The following MBOAT2 variants were observed in gnomAD, a reference collection of about 807,000 sequenced individuals.
MBOAT2 encodes membrane-bound glycerophospholipid O-acyltransferase 2.
A neutral mutation model predicts 63.4 loss-of-function variants in MBOAT2; 28 were observed. The ratio of observed to expected loss-of-function variants is 0.44; its 90% CI spans 0.33 to 0.61. MBOAT2 has a LOEUF of 0.61. Among genes scored for constraint, MBOAT2 ranks in the 20% least tolerant of loss-of-function variants. MBOAT2 has a pLI of 0.03. For synonymous variants in MBOAT2, 211 were observed against 215.6 expected, an observed-to-expected ratio of 0.98 and a Z score of 0.19; for missense variants, 470 against 605.8, an observed-to-expected ratio of 0.78 and a Z score of 2.35.
intron 4 of MBOAT2, among the ~76,000 whole-genome samples, chr2:8,897,371 C>A (rs1248713281): frequency 6.6e-6 from 1 of 151,840 alleles, no homozygotes; most frequent in Non-Finnish European, 1.5e-5. Flanking sequence ...AAGACTGCCA[C>A]CTCCTTGGGT....
At chr2:8,994,125 A>G (rs1672105948) in intron 1 of MBOAT2, among the ~76,000 whole-genome samples, 1 of 152,144 alleles carries the variant, frequency 6.6e-6, no homozygotes, top group African/African-American at 2.4e-5. Flanking sequence ...AGCCCTGCGG[A>G]CTCTAAACAT....
chr2:8,941,276 A>G (rs1185116609), intron 3 of MBOAT2, among the ~76,000 whole-genome samples: 1 of 152,182 alleles, frequency 6.6e-6, no homozygotes, highest in Non-Finnish European at 1.5e-5. Flanking sequence ...CTTCTACATC[A>G]ATAGTGTCAA....
chr2:8,929,149 G>A (rs1667137058), intron 3 of MBOAT2, among the ~76,000 whole-genome samples: 1 of 152,166 alleles, frequency 6.6e-6, no homozygotes, highest in Admixed American at 6.5e-5. Flanking sequence ...GGATAAAAGA[G>A]TATAATAACA....
intron 4 of MBOAT2, among the ~76,000 whole-genome samples, chr2:8,895,570 C>T (rs892517598): frequency 6.6e-6 from 1 of 152,194 alleles, no homozygotes; most frequent in African/African-American, 2.4e-5. Flanking sequence ...AATCCTTTAG[C>T]TAGACAGAAA....
At chr2:8,924,367 G>C (rs970512757) in intron 3 of MBOAT2, among the ~76,000 whole-genome samples, 2 of 152,068 alleles carry the variant, frequency 1.3e-5, no homozygotes, top group African/African-American at 2.4e-5. Flanking sequence ...CCTTCCTAAA[G>C]ACCTGCACAG....
intron 3 of MBOAT2, among the ~76,000 whole-genome samples, chr2:8,916,134 T>C (rs1332846876): frequency 6.6e-6 from 1 of 152,206 alleles, no homozygotes; most frequent in African/African-American, 2.4e-5. Context: ...AAAGTCAATA[T>C]GCTGAGATGG....
intron 3 of MBOAT2, among the ~76,000 whole-genome samples, chr2:8,915,081 G>A (rs1666067200): frequency 6.6e-6 from 1 of 150,762 alleles, no homozygotes; most frequent in African/African-American, 2.4e-5. Flanking sequence ...TGAGACTACA[G>A]GTACCCGCCA....
intron 1 of MBOAT2, among the ~76,000 whole-genome samples, chr2:8,971,385 T>C (rs1277283733): frequency 2.0e-5 from 3 of 152,098 alleles, no homozygotes; most frequent in Non-Finnish European, 4.4e-5. Flanking sequence ...TAAGAGCTAT[T>C]TATGACAAAC....
chr2:8,902,479 G>A (rs916085375), intron 4 of MBOAT2, among the ~76,000 whole-genome samples: 8 of 152,292 alleles, frequency 5.3e-5, no homozygotes, highest in Middle Eastern at 3.4e-3. Flanking sequence ...GGACGTGTCC[G>A]GACTTTCTTC....
intron 3 of MBOAT2, among the ~76,000 whole-genome samples, chr2:8,916,041 C>G (rs1172361566): frequency 6.6e-6 from 1 of 152,192 alleles, no homozygotes; most frequent in Non-Finnish European, 1.5e-5. Flanking sequence ...AAAGGCCTTT[C>G]TTACTCTTAG....
chr2:8,942,948 T>C (rs1015267505), intron 3 of MBOAT2, among the ~76,000 whole-genome samples: 10 of 152,326 alleles, frequency 6.6e-5, no homozygotes, highest in African/African-American at 2.4e-4. Context: ...CCTAACATCC[T>C]AGAAGGCACA....
intron 1 of MBOAT2, among the ~76,000 whole-genome samples, chr2:8,997,828 C>A (rs1672414248): frequency 6.6e-6 from 1 of 152,162 alleles, no homozygotes; most frequent in South Asian, 2.1e-4. Flanking sequence ...CTAATCATGC[C>A]ATTTCCACTA....
chr2:8,954,059 G>T (rs947817693), intron 2 of MBOAT2, among the ~76,000 whole-genome samples: 3 of 152,118 alleles, frequency 2.0e-5, no homozygotes, highest in Admixed American at 2.0e-4. Context: ...TTTCATGCAG[G>T]TAAGATTTTT....
At chr2:8,907,844 T>C (rs915262362) in intron 4 of MBOAT2, among the ~76,000 whole-genome samples, 8 of 152,184 alleles carry the variant, frequency 5.3e-5, no homozygotes, top group Non-Finnish European at 1.0e-4. Context: ...TGATTTTTTT[T>C]CCCTGAGCTC....
chr2:8,981,870 A>G (rs924121207), intron 1 of MBOAT2, among the ~76,000 whole-genome samples: 2 of 152,190 alleles, frequency 1.3e-5, no homozygotes, highest in African/African-American at 4.8e-5. Context: ...GAAGATCTAT[A>G]CCCAAAACTA....
At chr2:8,882,234 C>CA (rs998773302) in intron 6 of MBOAT2, among the ~76,000 whole-genome samples, 1 of 152,222 alleles carries the variant, frequency 6.6e-6, no homozygotes, top group Non-Finnish European at 1.5e-5. Context: ...TCAAGGAACT[C>CA]AGAGTCTCAT....
chr2:8,997,564 T>C (rs1472072669), intron 1 of MBOAT2, among the ~76,000 whole-genome samples: 1 of 152,168 alleles, frequency 6.6e-6, no homozygotes, highest in Non-Finnish European at 1.5e-5. Flanking sequence ...TATGAACAGA[T>C]GTTAACGTCT....
At chr2:8,875,821 T>A (rs1385277627) in intron 7 of MBOAT2, among the ~76,000 whole-genome samples, 4 of 152,356 alleles carry the variant, frequency 2.6e-5, no homozygotes, top group East Asian at 1.9e-4. Context: ...CAGTTTGATA[T>A]GACATTTCTC....
rs1672783825 is a variant in MBOAT2 at position 9,002,650 on chromosome 2, TCTCA to T, written c.75+886_75+889del. ...CCGCCTCATTAACAACTTCCCTAAA[TCTCA>T]CTGTCACAACAAAATACTTCCAAAC... On this transcript the variant is annotated intron_variant, in intron 1 of 12. Transcript: ENST00000305997. Among the ~76,000 whole-genome samples, 2 of 137,906 alleles carry T rather than the reference TCTCA, an allele frequency of 1.5e-5. 1 individual carries two copies. The highest frequency in any genetic ancestry group is 5.5e-5 in the African/African-American group (2 of 36,520). The allele number at this position is 137,906 out of a possible 152,430, so 90.5% of individuals were successfully genotyped here. A position where few individuals can be genotyped will look rare whatever the true frequency, so the allele number is the denominator to read the frequency against.
Sources: gnomAD v4.1 joint callset for allele counts (sites outside exome capture counted in the v4.1 genomes callset) on GRCh38, gnomAD v4.1.1 for gene constraint, MANE v1.5 for transcripts, NCBI Gene and HGNC (gene_info 2026-07-23, HGNC 2026-07-21) for gene names.